Variants in PXYLP1 observed in about 807,000 individuals in gnomAD.
PXYLP1 encodes acid phosphatase-like 2.
In PXYLP1, 17 loss-of-function variants were observed where a neutral mutation model predicts 37.9. The ratio of observed to expected loss-of-function variants is 0.45; its 90% CI spans 0.31 to 0.67. The LOEUF (loss-of-function observed/expected upper bound fraction) is 0.67, where lower values mean the gene tolerates loss of function less well. Among genes scored for constraint, PXYLP1 ranks in the 30% least tolerant of loss-of-function variants. PXYLP1 has a pLI of 0.07. For synonymous variants in PXYLP1, 221 were observed against 232.2 expected, an observed-to-expected ratio of 0.95 and a Z score of 0.44; for missense variants, 511 against 612.0, an observed-to-expected ratio of 0.84 and a Z score of 1.74.
At chr3:141,266,788 G>A (rs970942859) in intron 2 of PXYLP1, among the ~76,000 whole-genome samples, 4 of 152,098 alleles carry the variant, frequency 2.6e-5, no homozygotes, top group South Asian at 2.1e-4. Flanking sequence ...CAGAGCTATC[G>A]TGTTTCCTGT....
chr3:141,249,957 G>A (rs1419018280), intron 1 of PXYLP1, among the ~76,000 whole-genome samples: 1 of 151,890 alleles, frequency 6.6e-6, no homozygotes, highest in Non-Finnish European at 1.5e-5. Flanking sequence ...ATCCTTTGTA[G>A]AGTTGGAAAA....
intron 4 of PXYLP1, among the ~76,000 whole-genome samples, chr3:141,286,931 C>T (rs908398040): frequency 3.9e-5 from 6 of 152,206 alleles, no homozygotes; most frequent in African/African-American, 1.4e-4. Context: ...GAGCAGACAG[C>T]ATGTGCAGGG....
chr3:141,279,450 A>G lies in PXYLP1; in HGVS notation c.311A>G (p.Tyr104Cys), dbSNP rs200014913. Residue 104 changes from tyrosine (Y) to cysteine (C), a missense_variant, in exon 4 of 6, where the codon TAT becomes TGT. Tyr to Cys is a radical substitution (Grantham distance 194). Coordinates refer to ENST00000286353, the MANE Select transcript of PXYLP1 (RefSeq NM_001037172.3). ...FIRHGDRYPL[Y>C]VIPKTKRPEI... ...CGCCACGGAGACAGGTACCCACTGT[A>G]TGTCATTCCCAAAACAAAGCGACCA... is the stretch of plus-strand genomic sequence containing the variant. The G allele has an allele frequency of 4.6e-5, 75 of 1,614,024 alleles. No homozygotes were observed. Among genetic ancestry groups the G allele is most frequent in the Non-Finnish European group, 6.1e-5 (72 of 1,180,000 alleles).
intron 2 of PXYLP1, chr3:141,273,413 G>C: frequency 1.0e-6 from 1 of 985,492 alleles, no homozygotes; most frequent in Non-Finnish European, 1.2e-6. Context: ...GAAAAGCAGA[G>C]AGAGGATCAG....
At position 141,287,472 on chromosome 3, in the gene PXYLP1, C is replaced by T. The variant is rs748742626; in HGVS notation, c.505+19C>T. The T allele has an allele frequency of 6.2e-6, 10 of 1,607,802 alleles. No individual in the cohort carries two copies. The highest frequency in any genetic ancestry group is 1.7e-4 in the Middle Eastern group (1 of 6,034). On this transcript the variant is annotated intron_variant, in intron 5 of 5. Coordinates refer to ENST00000286353, the MANE Select transcript of PXYLP1 (RefSeq NM_001037172.3). ...CAGACAGGTATGTGTGACCCCCATG[C>T]GCTCAGGGGTTCCCCCACCCGCTCT...
rs983848956 is a variant in PXYLP1 at position 141,262,642 on chromosome 3, T to C, written c.79+2388T>C. On this transcript the variant is annotated intron_variant, in intron 2 of 5. Coordinates refer to ENST00000286353, the MANE Select transcript of PXYLP1 (RefSeq NM_001037172.3). ...ATTTTGCAGGGTAAATTAGCCTGTCTGGGTCTGAGCTCTTTATTCTTGGAT... is the reference window on the plus strand; with the variant it reads ...ATTTTGCAGGGTAAATTAGCCTGTCCGGGTCTGAGCTCTTTATTCTTGGAT... 30 of 1,516,146 alleles carry C rather than the reference T, an allele frequency of 2.0e-5. 1 individual carries two copies. Among genetic ancestry groups the C allele is most frequent in the Non-Finnish European group, 5.3e-6 (6 of 1,140,180 alleles). The allele number at this position is 1,516,146 out of a possible 1,614,324, so 93.9% of individuals were successfully genotyped here.
rs573740092 is a variant in PXYLP1 at position 141,278,393 on chromosome 3, G to A, written c.131G>A (p.Arg44Gln). 17 of 1,614,184 alleles carry A rather than the reference G, an allele frequency of 1.1e-5. No individual in the cohort carries two copies. Among genetic ancestry groups the A allele is most frequent in the East Asian group, 8.9e-5 (4 of 44,882 alleles). The change falls in exon 3 of 6, where the codon CGA (arginine) becomes CAA (glutamine). Residue 44 changes from arginine to glutamine, a missense_variant. Physicochemically the swap from Arg to Gln is conservative, Grantham distance 43. Coordinates refer to ENST00000286353, the MANE Select transcript of PXYLP1 (RefSeq NM_001037172.3). ...AAGAATGGAATGAGTAGCAAGAGTCGAAAGAGAATCATGCCCGACCCTGTG... is the reference window on the plus strand; with the variant it reads ...AAGAATGGAATGAGTAGCAAGAGTCAAAAGAGAATCATGCCCGACCCTGTG... ...TPKNGMSSKS[R>Q]KRIMPDPVTE... is the part of the protein sequence containing the mutation.
chr3:141,272,961 C>G, intron 2 of PXYLP1: 1 of 982,476 alleles, frequency 1.0e-6, no homozygotes, highest in Non-Finnish European at 1.2e-6. Context: ...CAAGTGGACA[C>G]CCAGTATTAA....
At position 141,294,446 on chromosome 3, in the gene PXYLP1, A is replaced by T. The variant is rs1041494250; in HGVS notation, c.*1241A>T. ...ATTAGATAGTTTACAGATCTTTATAAGGTGTTTTATATATTAGAAGCAATT... is the reference window on the plus strand; with the variant it reads ...ATTAGATAGTTTACAGATCTTTATATGGTGTTTTATATATTAGAAGCAATT... On this transcript the variant is annotated 3_prime_UTR_variant, in exon 6 of 6. Transcript: ENST00000286353. 2 of 152,234 alleles carry T rather than the reference A, an allele frequency of 1.3e-5. No individual in the cohort carries two copies. Among genetic ancestry groups the T allele is most frequent in the African/African-American group, 4.8e-5 (2 of 41,460 alleles). The allele number at this position is 152,234 out of a possible 1,614,324, so 9.4% of individuals were successfully genotyped here. A position where few individuals can be genotyped will look rare whatever the true frequency, so the allele number is the denominator to read the frequency against.
At position 141,268,204 on chromosome 3, in the gene PXYLP1, AGAGTGTGTGTGTGT is replaced by A. The variant is rs1304534280; in HGVS notation, c.79+7952_79+7965del. Among the ~76,000 whole-genome samples the A allele has an allele frequency of 6.8e-4, 20 of 29,622 alleles. No individual in the cohort carries two copies. In the East Asian group the frequency reaches 0.014, roughly 21 times the overall value. The allele number at this position is 29,622 out of a possible 152,430, so 19.4% of individuals were successfully genotyped here. A position where few individuals can be genotyped will look rare whatever the true frequency, so the allele number is the denominator to read the frequency against. ...GAGAGAGAGAGAGAGAGAGAGAGAGAGAGTGTGTGTGTGTGTGTGTGTGTGTGTGTGTGTGTGTC... is the reference window on the plus strand; with the variant it reads ...GAGAGAGAGAGAGAGAGAGAGAGAGAGTGTGTGTGTGTGTGTGTGTGTGTC... On this transcript the variant is annotated intron_variant, in intron 2 of 5. Coordinates refer to ENST00000286353, the MANE Select transcript of PXYLP1 (RefSeq NM_001037172.3).
chr3:141,291,263 T>C (rs1024845027), intron 5 of PXYLP1, among the ~76,000 whole-genome samples: 6 of 151,124 alleles, frequency 4.0e-5, no homozygotes, highest in African/African-American at 1.5e-4. Flanking sequence ...CCATGACAGA[T>C]TGTGTCCCGT....
chr3:141,281,489 C>T (rs923554138), intron 4 of PXYLP1, among the ~76,000 whole-genome samples: 8 of 152,148 alleles, frequency 5.3e-5, no homozygotes, highest in African/African-American at 9.7e-5. Context: ...GCCCAGGACA[C>T]GGCAGCCCTC....
intron 2 of PXYLP1, among the ~76,000 whole-genome samples, chr3:141,276,017 A>C (rs1428025985): frequency 1.3e-5 from 2 of 152,190 alleles, no homozygotes; most frequent in Non-Finnish European, 2.9e-5. Flanking sequence ...TTAGATACAC[A>C]AGTACTTACC....
intron 4 of PXYLP1, among the ~76,000 whole-genome samples, chr3:141,284,758 T>A (rs1942033508): frequency 6.6e-6 from 1 of 152,230 alleles, no homozygotes; most frequent in South Asian, 2.1e-4. Context: ...TCTTATTGGG[T>A]TTTTTCCAAG....
chr3:141,249,644 C>A (rs971602698), intron 1 of PXYLP1, among the ~76,000 whole-genome samples: 9 of 152,052 alleles, frequency 5.9e-5, no homozygotes, highest in Non-Finnish European at 1.2e-4. Flanking sequence ...TTTTTAAAAA[C>A]AGCTATATTT....
chr3:141,260,889 C>T (rs1236203813), intron 2 of PXYLP1, among the ~76,000 whole-genome samples: 1 of 152,250 alleles, frequency 6.6e-6, no homozygotes, highest in Non-Finnish European at 1.5e-5. Context: ...AGTGGCAACA[C>T]CTCAGTGGTG....
intron 2 of PXYLP1, among the ~76,000 whole-genome samples, chr3:141,260,910 T>G (rs1362778890): frequency 6.6e-6 from 1 of 152,224 alleles, no homozygotes; most frequent in African/African-American, 2.4e-5. Flanking sequence ...GCCCATGGTC[T>G]TCTGAGAGGC....
rs572368015 is a variant in PXYLP1, at chr3:141,266,675, G to T, written c.79+6421G>T. Among the ~76,000 whole-genome samples, 230 of 141,392 alleles carry T rather than the reference G, an allele frequency of 1.6e-3. 1 individual carries two copies. The highest frequency in any genetic ancestry group is 5.7e-3 in the African/African-American group (214 of 37,310). 92.8% of individuals were successfully genotyped at this position (141,392 alleles called of 152,430 possible). ...AGAGAGGGAGAGAGAGAGATGGGGG[G>T]AGAGAGGGAGAGATGAGGGGGAGAG... On this transcript the variant is annotated intron_variant, in intron 2 of 5. Coordinates refer to ENST00000286353, the MANE Select transcript of PXYLP1 (RefSeq NM_001037172.3).
At chr3:141,232,926 A>G (rs959583451) in intron 1 of PXYLP1, among the ~76,000 whole-genome samples, 12 of 151,982 alleles carry the variant, frequency 7.9e-5, no homozygotes, top group Admixed American at 2.6e-4. Flanking sequence ...AAGTAAAATC[A>G]GGAGAGATGG....
Sources: allele counts gnomAD v4.1 joint callset (sites outside exome capture counted in the v4.1 genomes callset), GRCh38; gene constraint gnomAD v4.1.1; transcripts MANE v1.5; gene names NCBI Gene and HGNC (gene_info 2026-07-23, HGNC 2026-07-21).